The following CCDC7 variants were observed in gnomAD, a reference collection of about 807,000 sequenced individuals.
CCDC7 encodes coiled-coil domain-containing protein 7.
A neutral mutation model predicts 196.9 loss-of-function variants in CCDC7; 183 were observed. The ratio of observed to expected loss-of-function variants is 0.93; its 90% confidence interval spans 0.82 to 1.05. The LOEUF (loss-of-function observed/expected upper bound fraction) is 1.05, where lower values mean the gene tolerates loss of function less well. Among genes scored for constraint, CCDC7 ranks in the 50% least tolerant of loss-of-function variants. The pLI is 0.00. For synonymous variants in CCDC7, 525 were observed against 484.6 expected (o/e 1.08, Z -1.10); for missense variants, 1,540 against 1,482.2 (o/e 1.04, Z -0.64).
At chr10:32,560,452 C>A (rs969303161) in intron 13 of CCDC7, among the ~76,000 whole-genome samples, 3 of 152,156 alleles carry the variant, frequency 2.0e-5, no homozygotes, top group African/African-American at 7.2e-5. Context: ...AAGGGAAGCC[C>A]ATCAGACTAA....
chr10:32,598,424 A>C (rs2060644443), intron 18 of CCDC7, among the ~76,000 whole-genome samples: 1 of 152,132 alleles, frequency 6.6e-6, no homozygotes, highest in Non-Finnish European at 1.5e-5. Flanking sequence ...TTTGCTAGGA[A>C]AGGGAATTCC....
At chr10:32,581,630 A>T (rs2184091) in intron 16 of CCDC7, among the ~76,000 whole-genome samples, 149,867 of 152,270 alleles carry the variant, frequency 0.98, 73,791 homozygotes, top group Middle Eastern at 1. Context: ...TTCCTTATGG[A>T]TGCAAGAGAC....
intron 39 of CCDC7, among the ~76,000 whole-genome samples, chr10:32,849,629 G>A (rs951757289): frequency 5.3e-5 from 8 of 149,736 alleles, no homozygotes; most frequent in Admixed American, 4.7e-4. Flanking sequence ...CTTGAATCCA[G>A]GAGGTGGAGG....
chr10:32,547,307 A>G (rs2052636813), intron 13 of CCDC7, among the ~76,000 whole-genome samples: 1 of 152,182 alleles, frequency 6.6e-6, no homozygotes, highest in Non-Finnish European at 1.5e-5. Flanking sequence ...GATTATAGGC[A>G]TAAGCCACCA....
intron 24 of CCDC7, among the ~76,000 whole-genome samples, chr10:32,695,881 CAA>C (rs879773385): frequency 1.3e-5 from 2 of 152,140 alleles, no homozygotes; most frequent in African/African-American, 2.4e-5. Flanking sequence ...ACAGCAGTGC[CAA>C]AGACAGAACT....
intron 9 of CCDC7, among the ~76,000 whole-genome samples, chr10:32,495,529 AC>A (rs2042784059): frequency 6.6e-6 from 1 of 152,178 alleles, no homozygotes; most frequent in Non-Finnish European, 1.5e-5. Flanking sequence ...TTTAGGTCTT[AC>A]GTTTAAGTGT....
At chr10:32,471,560 C>G (rs1042530117) in intron 6 of CCDC7, among the ~76,000 whole-genome samples, 2 of 152,102 alleles carry the variant, frequency 1.3e-5, no homozygotes, top group Non-Finnish European at 2.9e-5. Context: ...GGCTTATAAA[C>G]TCTTCTCTCA....
chr10:32,656,692 C>T (rs561668535), intron 20 of CCDC7, among the ~76,000 whole-genome samples: 38 of 152,266 alleles, frequency 2.5e-4, no homozygotes, highest in East Asian at 1.5e-3. Context: ...GATTTGGGTG[C>T]GGCGAGCCAA....
chr10:32,678,986 C>A (rs11818557), intron 21 of CCDC7, among the ~76,000 whole-genome samples: 8,079 of 152,078 alleles, frequency 0.053, 717 homozygotes, highest in African/African-American at 0.18. Flanking sequence ...ATCAATCCCC[C>A]TATTTTAATT....
Position 32,865,219 on chromosome 10 carries a change from T to C in CCDC7, c.4111+10730T>C, listed in dbSNP as rs191643460. On this transcript the variant is annotated intron_variant, in intron 41 of 41. Transcript: ENST00000639629. ...TTATAATAGACTTCTCTGCAGAATATGTAAAGAACTTTTATGTTAATATTA... is the reference window on the plus strand; with the variant it reads ...TTATAATAGACTTCTCTGCAGAATACGTAAAGAACTTTTATGTTAATATTA... Among the ~76,000 whole-genome samples the C allele has an allele frequency of 1.3e-3, 192 of 152,002 alleles. 3 individuals are homozygous for C. In the South Asian group the frequency reaches 0.02, roughly 16 times the overall value.
intron 29 of CCDC7, among the ~76,000 whole-genome samples, chr10:32,794,695 A>G (rs368161548): frequency 1.3e-5 from 2 of 152,230 alleles, no homozygotes; most frequent in South Asian, 2.1e-4. Context: ...GCAATTTTTC[A>G]TATATATTTT....
rs150582993 is a variant in CCDC7, at chr10:32,479,380, G to T, written c.796+5357G>T. On this transcript the variant is annotated intron_variant, in intron 8 of 41. Transcript: ENST00000639629. ...GATAGTTGGCCATTATTGTTTTGAA[G>T]TACATTCCTTCTGTATCTAATTTAT... Among the ~76,000 whole-genome samples the T allele has an allele frequency of 5.0e-3, 765 of 152,178 alleles. 5 individuals carry two copies. Among genetic ancestry groups the T allele is most frequent in the Non-Finnish European group, 8.9e-3 (604 of 67,946 alleles).
In CCDC7 at chr10:32,500,541, G is replaced by A. The variant is rs187846168; in HGVS notation, c.872+8544G>A. 7.7e-3 allele frequency among the ~76,000 whole-genome samples: 1,169 copies of A among 151,738 alleles called. 18 individuals are homozygous for A. The highest frequency in any genetic ancestry group is 0.027 in the African/African-American group (1,124 of 41,324). ...TCCTAGACAGGGTGATGGCTAGGAA[G>A]AGGTGCTCCTCACTTCCCAGACTGG... On this transcript the variant is annotated intron_variant, in intron 9 of 41. Coordinates refer to ENST00000639629, the Ensembl canonical transcript of CCDC7.
At chr10:32,846,437 T>C (rs1265186394) in exon 37 of CCDC7, 1 of 1,598,888 alleles carries the variant, frequency 6.3e-7, no homozygotes, top group Non-Finnish European at 8.6e-7. Flanking sequence ...GACCAATCAG[T>C]GCACAATTAA....
intron 13 of CCDC7, among the ~76,000 whole-genome samples, chr10:32,558,912 A>G (rs1328940616): frequency 1.3e-5 from 2 of 152,208 alleles, no homozygotes; most frequent in Admixed American, 6.5e-5. Context: ...TCCCTTTCCT[A>G]GTCAAAGAAA....
intron 11 of CCDC7, among the ~76,000 whole-genome samples, chr10:32,541,509 G>A: frequency 6.6e-6 from 1 of 152,232 alleles, no homozygotes; most frequent in South Asian, 2.1e-4. Context: ...TTACCCGCCT[G>A]GCTACCAGTG....
intron 32 of CCDC7, among the ~76,000 whole-genome samples, chr10:32,830,620 G>A (rs911106437): frequency 6.6e-6 from 1 of 152,108 alleles, no homozygotes. Flanking sequence ...ACGATTGAAC[G>A]TATTTATGGG....
At chr10:32,738,028 T>A (rs2133047379) in intron 28 of CCDC7, among the ~76,000 whole-genome samples, 1 of 152,346 alleles carries the variant, frequency 6.6e-6, no homozygotes, top group East Asian at 1.9e-4. Context: ...AAGTGATTAT[T>A]GACATATTTG....
At chr10:32,480,099 C>T (rs1423410935) in intron 8 of CCDC7, among the ~76,000 whole-genome samples, 1 of 151,758 alleles carries the variant, frequency 6.6e-6, no homozygotes, top group African/African-American at 2.4e-5. Flanking sequence ...TTTTCTTAGT[C>T]CAGCTAAAGT....
Sources: gnomAD v4.1 joint callset for allele counts (sites outside exome capture counted in the v4.1 genomes callset) on GRCh38, gnomAD v4.1.1 for gene constraint, MANE v1.5 for transcripts, NCBI Gene and HGNC (gene_info 2026-07-23, HGNC 2026-07-21) for gene names.